The following OTC variants were observed in gnomAD, a reference collection of about 807,000 sequenced individuals.
The protein encoded by OTC is ornithine transcarbamylase.
In OTC, 3 loss-of-function variants were observed where a neutral mutation model predicts 30.3. The observed-to-expected ratio is 0.10, with a 90% confidence interval of 0.05 to 0.26. OTC has a LOEUF of 0.26. OTC is among the 10% of genes least tolerant of loss of function. The probability of loss-of-function intolerance (pLI) is 1.00; values close to 1 mark genes in which losing one functional copy is unlikely to be tolerated. For missense variants in OTC, 194 were observed against 260.3 expected (o/e 0.75, Z 1.75); for synonymous variants, 111 against 99.7 (o/e 1.11, Z -0.67).
At chrX:38,357,170 G>A (rs1232016280) in intron 1 of OTC, among the ~76,000 whole-genome samples, 2 of 111,753 alleles carry the variant, frequency 1.8e-5, no homozygotes, top group Non-Finnish European at 3.8e-5. Context: ...GCTCGAGATG[G>A]CAAATAACCT....
chrX:38,385,675 T>TA (rs143803050), intron 4 of OTC, among the ~76,000 whole-genome samples: 17,283 of 111,345 alleles, frequency 0.16, 1,381 homozygotes, highest in Middle Eastern at 0.26. Context: ...GATTTTTTTT[T>TA]AAAAAAGCAC....
At chrX:38,397,773 T>A (rs1359403501) in intron 4 of OTC, among the ~76,000 whole-genome samples, 1 of 111,375 alleles carries the variant, frequency 9.0e-6, no homozygotes, top group East Asian at 2.8e-4. Context: ...CCTCTCTCAC[T>A]CCGTTTTCTA....
chrX:38,420,122 G>A (rs1251733219), intron 9 of OTC, among the ~76,000 whole-genome samples: 1 of 110,998 alleles, frequency 9.0e-6, no homozygotes, highest in Non-Finnish European at 1.9e-5. Context: ...CTCCATAAAT[G>A]TATACAATTA....
intron 1 of OTC, among the ~76,000 whole-genome samples, chrX:38,355,680 A>G (rs954025326): frequency 6.2e-5 from 7 of 112,461 alleles, no homozygotes; most frequent in Non-Finnish European, 1.1e-4. Flanking sequence ...TCTTGCATAG[A>G]GGAGAGAAAC....
intron 3 of OTC, among the ~76,000 whole-genome samples, chrX:38,374,210 C>T (rs1444331979): frequency 9.0e-6 from 1 of 111,169 alleles, no homozygotes; most frequent in Non-Finnish European, 1.9e-5. Context: ...ACAGAAGAAA[C>T]GCTATGTTCA....
chrX:38,381,023 A>G (rs1453956583), intron 3 of OTC, among the ~76,000 whole-genome samples: 1 of 112,565 alleles, frequency 8.9e-6, no homozygotes, highest in East Asian at 2.8e-4. Context: ...GCCACTGCAC[A>G]CAGCCAGCTT....
chrX:38,402,775 C>G (rs1264723473), intron 5 of OTC, among the ~76,000 whole-genome samples: 2 of 111,169 alleles, frequency 1.8e-5, no homozygotes, highest in Non-Finnish European at 3.8e-5. Context: ...TTACACATAT[C>G]TATAGCCATA....
downstream of OTC, among the ~76,000 whole-genome samples, chrX:38,421,743 A>G (rs2068596632): frequency 8.9e-6 from 1 of 112,351 alleles, no homozygotes; most frequent in African/African-American, 3.2e-5. Flanking sequence ...GTTACAAGCC[A>G]TAAGAAGCTT....
chrX:38,397,397 C>G (rs182763852), intron 4 of OTC, among the ~76,000 whole-genome samples: 66 of 111,790 alleles, frequency 5.9e-4, no homozygotes, highest in African/African-American at 1.9e-3. Context: ...ATGTTACAGA[C>G]CTATTCTGAT....
At chrX:38,392,159 T>C (rs971579929) in intron 4 of OTC, among the ~76,000 whole-genome samples, 1 of 112,384 alleles carries the variant, frequency 8.9e-6, no homozygotes, top group African/African-American at 3.2e-5. Context: ...GCCATTAAAC[T>C]TCCAGGGCAA....
chrX:38,409,149 C>T, intron 8 of OTC, 124 bp downstream of exon 8: 1 of 732,248 alleles, frequency 1.4e-6, no homozygotes, highest in Non-Finnish European at 2.1e-6. Flanking sequence ...GACTCACTGA[C>T]TGTATCCCCT....
At chrX:38,368,253 G>A (rs765088375) in intron 2 of OTC, among the ~76,000 whole-genome samples, 25 of 111,215 alleles carry the variant, frequency 2.2e-4, no homozygotes, top group African/African-American at 8.2e-4. Flanking sequence ...CCAGCTACTA[G>A]GGAGGCTGAG....
At chrX:38,403,032 G>A (rs190209034) in intron 5 of OTC, among the ~76,000 whole-genome samples, 13 of 111,065 alleles carry the variant, frequency 1.2e-4, no homozygotes, top group East Asian at 5.7e-4. Flanking sequence ...GGCTGGTCTC[G>A]AACTTCTGAC....
chrX:38,345,919 G>A, the OTC span, among the ~76,000 whole-genome samples: 1 of 111,333 alleles, frequency 9.0e-6, no homozygotes, highest in Non-Finnish European at 1.9e-5. Flanking sequence ...GGCCATTATC[G>A]TCTTTGTTTA....
intron 6 of OTC, among the ~76,000 whole-genome samples, chrX:38,407,281 C>T (rs2142430): frequency 0.14 from 15,934 of 111,876 alleles, 1,036 homozygotes; most frequent in East Asian, 0.45. Flanking sequence ...ACCTTGGGTG[C>T]GGCTGCTCTC....
At chrX:38,339,408 T>A in the OTC span, among the ~76,000 whole-genome samples, 1 of 111,239 alleles carries the variant, frequency 9.0e-6, no homozygotes, top group Non-Finnish European at 1.9e-5. Context: ...TAGCTTTTTT[T>A]AAATGCTTAT....
Position 38,421,169 on chromosome X carries a change from A to G in OTC, c.*87A>G, listed in dbSNP as rs1214577119. The G allele has an allele frequency of 3.0e-6, 2 of 663,873 alleles. No individual in the cohort carries two copies. Among genetic ancestry groups the G allele is most frequent in the East Asian group, 6.6e-5 (2 of 30,172 alleles). The allele number at this position is 663,873 out of a possible 1,213,427, so 54.7% of individuals were successfully genotyped here. ...GGGAAAAGAGAAGAGAATCTAAAAA[A>G]TAAACAAATCCCTAACACGTGGTAT... On this transcript the variant is annotated 3_prime_UTR_variant, in exon 10 of 10. Transcript: ENST00000039007.
chrX:38,389,472 G>A (rs2068420411), intron 4 of OTC, among the ~76,000 whole-genome samples: 1 of 111,223 alleles, frequency 9.0e-6, no homozygotes, highest in Non-Finnish European at 1.9e-5. Flanking sequence ...AATGTTAAAG[G>A]TTTTACGATT....
chrX:38,369,060 C>T (rs1319877385), intron 2 of OTC, among the ~76,000 whole-genome samples: 1 of 110,661 alleles, frequency 9.0e-6, no homozygotes, highest in Non-Finnish European at 1.9e-5. Context: ...AGGGCTTCAT[C>T]ATTGATCTAA....
Sources: gnomAD v4.1 joint callset for allele counts (sites outside exome capture counted in the v4.1 genomes callset) on GRCh38, gnomAD v4.1.1 for gene constraint, MANE v1.5 for transcripts, NCBI Gene and HGNC (gene_info 2026-07-23, HGNC 2026-07-21) for gene names.